NIM1K: variants seen among roughly 807,000 people sequenced by gnomAD.
The protein encoded by NIM1K is NIM1 serine/threonine protein kinase.
In NIM1K, 35 loss-of-function variants were observed where a neutral mutation model predicts 37.1. The observed-to-expected ratio is 0.94, with a 90% CI of 0.72 to 1.25. NIM1K has a LOEUF of 1.25. NIM1K is among the 50% of genes most tolerant of loss of function. The probability of loss-of-function intolerance (pLI) is 0.00; values close to 1 mark genes in which losing one functional copy is unlikely to be tolerated. For missense variants in NIM1K, 564 were observed against 548.0 expected (o/e 1.03, Z -0.29); for synonymous variants, 234 against 206.6 (o/e 1.13, Z -1.14).
At chr5:43,228,828 C>G (rs963475431) in intron 1 of NIM1K, among the ~76,000 whole-genome samples, 9 of 151,790 alleles carry the variant, frequency 5.9e-5, no homozygotes, top group African/African-American at 2.2e-4. Context: ...GAGACCGTGT[C>G]TCAAAAACAA....
intron 2 of NIM1K, among the ~76,000 whole-genome samples, chr5:43,272,927 G>C (rs1370465903): frequency 1.3e-5 from 2 of 152,108 alleles, no homozygotes; most frequent in African/African-American, 2.4e-5. Context: ...CTAACTCCCT[G>C]TTCCATACAA....
intron 1 of NIM1K, among the ~76,000 whole-genome samples, chr5:43,195,211 AT>A (rs1751894703): frequency 2.0e-5 from 3 of 152,256 alleles, no homozygotes; most frequent in South Asian, 2.1e-4. Context: ...AAATATTCAA[AT>A]TGCTTATGAA....
At chr5:43,246,176 C>A in intron 2 of NIM1K, 109 bp downstream of exon 2, 2 of 862,908 alleles carry the variant, frequency 2.3e-6, no homozygotes, top group Non-Finnish European at 3.5e-6. Flanking sequence ...TCAGCAGAGC[C>A]CCTGCAAGGC....
At chr5:43,278,066 G>A (rs1286879776) in intron 3 of NIM1K, among the ~76,000 whole-genome samples, 1 of 118,304 alleles carries the variant, frequency 8.5e-6, no homozygotes, top group Admixed American at 1.0e-4. Flanking sequence ...TTTTTTTTTA[G>A]ACAGAGTCTT....
chr5:43,250,552 T>C (rs1359870697), intron 2 of NIM1K, among the ~76,000 whole-genome samples: 1 of 152,224 alleles, frequency 6.6e-6, no homozygotes, highest in African/African-American at 2.4e-5. Context: ...TTTTGAATCC[T>C]TACTCATAGA....
chr5:43,256,004 A>T (rs890522552), intron 2 of NIM1K, among the ~76,000 whole-genome samples: 1 of 151,952 alleles, frequency 6.6e-6, no homozygotes, highest in African/African-American at 2.4e-5. Flanking sequence ...GTAACAGGGA[A>T]CAGATTGTGG....
chr5:43,233,239 C>A (rs983401469), intron 1 of NIM1K: 10 of 761,724 alleles, frequency 1.3e-5, no homozygotes, highest in East Asian at 8.2e-5. Context: ...TCTTACAGTG[C>A]GACTCTTAGG....
intron 2 of NIM1K, 118 bp from the exon 3 acceptor site, chr5:43,276,939 C>T (rs1325572496): frequency 5.0e-6 from 5 of 1,008,642 alleles, no homozygotes; most frequent in South Asian, 4.6e-5. Flanking sequence ...GATGAGCTCT[C>T]TCAGCTTGGG....
chr5:43,280,732 T>A lies in NIM1K; in HGVS notation c.*3T>A, dbSNP rs779244299. ...CCAAATTTTGCTCGATTTTATAAAT[T>A]GCACTAGACTGCTTGTAACTAACCA... On this transcript the variant is annotated 3_prime_UTR_variant, in exon 4 of 4. Transcript: ENST00000326035. 1.3e-6 allele frequency: 2 copies of A among 1,584,076 alleles called. No individual in the cohort carries two copies. The highest frequency in any genetic ancestry group is 2.7e-5 in the African/African-American group (2 of 73,140).
chr5:43,213,201 CTTTCTT>C (rs1752236163), intron 1 of NIM1K, among the ~76,000 whole-genome samples: 1 of 50,996 alleles, frequency 2.0e-5, no homozygotes, highest in African/African-American at 6.7e-5. Flanking sequence ...TTCTTTCTTT[CTTTCTT>C]TCTTTCTTTC....
intron 1 of NIM1K, among the ~76,000 whole-genome samples, chr5:43,221,447 CAAAAAAAAAA>C (rs55658060): frequency 8.1e-6 from 1 of 124,112 alleles, no homozygotes; most frequent in African/African-American, 3.3e-5. Flanking sequence ...GAGACTGTCT[CAAAAAAAAAA>C]AAAAAAAAAA....
chr5:43,255,657 G>C (rs975039902), intron 2 of NIM1K, among the ~76,000 whole-genome samples: 1 of 151,396 alleles, frequency 6.6e-6, no homozygotes, highest in African/African-American at 2.4e-5. Context: ...ACTGAGGCAG[G>C]AAAATCGCTT....
chr5:43,258,078 C>G (rs1323000556), intron 2 of NIM1K, among the ~76,000 whole-genome samples: 2 of 152,186 alleles, frequency 1.3e-5, no homozygotes, highest in African/African-American at 2.4e-5. Context: ...GAGCGCTGCC[C>G]TCCACCTGCT....
At chr5:43,265,258 C>T (rs1456800769) in intron 2 of NIM1K, among the ~76,000 whole-genome samples, 1 of 152,244 alleles carries the variant, frequency 6.6e-6, no homozygotes, top group Non-Finnish European at 1.5e-5. Flanking sequence ...GTACACCAAT[C>T]AGACGTAGAT....
chr5:43,250,657 C>T (rs1021302381), intron 2 of NIM1K, among the ~76,000 whole-genome samples: 7 of 152,140 alleles, frequency 4.6e-5, no homozygotes, highest in East Asian at 3.9e-4. Context: ...ACACATAGAG[C>T]GATGAAAGGC....
At chr5:43,270,448 A>G (rs1579612087) in intron 2 of NIM1K, among the ~76,000 whole-genome samples, 1 of 152,210 alleles carries the variant, frequency 6.6e-6, no homozygotes, top group African/African-American at 2.4e-5. Flanking sequence ...GTTGGAAGAC[A>G]TGGTGGGAAG....
chr5:43,208,373 C>T (rs1023068312), intron 1 of NIM1K, among the ~76,000 whole-genome samples: 25 of 151,968 alleles, frequency 1.6e-4, no homozygotes, highest in Non-Finnish European at 1.0e-4. Context: ...GGGAGGCCGA[C>T]GCGGGCAGAT....
intron 1 of NIM1K, among the ~76,000 whole-genome samples, chr5:43,201,700 C>T (rs1752022916): frequency 6.6e-6 from 1 of 151,760 alleles, no homozygotes; most frequent in African/African-American, 2.4e-5. Context: ...GTGGTTCATG[C>T]CTGTAATCCC....
intron 2 of NIM1K, among the ~76,000 whole-genome samples, chr5:43,272,377 C>T (rs1384008600): frequency 2.0e-5 from 3 of 152,044 alleles, no homozygotes; most frequent in African/African-American, 7.3e-5. Flanking sequence ...GCACTTTTCC[C>T]CCTAAGCCCA....
Sources: allele counts gnomAD v4.1 joint callset (sites outside exome capture counted in the v4.1 genomes callset), GRCh38; gene constraint gnomAD v4.1.1; transcripts MANE v1.5; gene names NCBI Gene and HGNC (gene_info 2026-07-23, HGNC 2026-07-21).